The following CEP63 variants were observed in gnomAD, a reference collection of about 807,000 sequenced individuals.
CEP63 encodes centrosomal protein 63, also known as centrosomal protein of 63 kDa.
A neutral mutation model predicts 89.1 loss-of-function variants in CEP63; 84 were observed. The observed-to-expected ratio is 0.94, with a 90% confidence interval of 0.79 to 1.13. The LOEUF (loss-of-function observed/expected upper bound fraction) is 1.13. CEP63 is among the 50% of genes most tolerant of loss of function. The pLI, the probability that CEP63 is intolerant of heterozygous loss-of-function variation, is 0.00. For missense variants in CEP63, 838 were observed against 813.3 expected (o/e 1.03, Z -0.37); for synonymous variants, 267 against 272.5 (o/e 0.98, Z 0.20).
chr3:134,653,856 G>A, the CEP63 span, among the ~76,000 whole-genome samples: 1 of 152,092 alleles, frequency 6.6e-6, no homozygotes. Context: ...CAGAAACCAT[G>A]TCCTCTACAC....
chr3:134,504,021 G>T (rs1942812023), intron 2 of CEP63, among the ~76,000 whole-genome samples: 2 of 151,676 alleles, frequency 1.3e-5, no homozygotes, highest in African/African-American at 4.8e-5. Context: ...CTTAACTCTT[G>T]TCGTTTTGTT....
At chr3:134,500,862 T>C (rs147633023) in intron 2 of CEP63, among the ~76,000 whole-genome samples, 151 of 152,358 alleles carry the variant, frequency 9.9e-4, no homozygotes, top group African/African-American at 3.5e-3. Context: ...TTTTTGTTTT[T>C]ATTGCATTTG....
At chr3:134,521,022 T>A (rs566113715) in intron 3 of CEP63, among the ~76,000 whole-genome samples, 2 of 152,230 alleles carry the variant, frequency 1.3e-5, no homozygotes, top group Non-Finnish European at 2.9e-5. Context: ...ATTAAAATAA[T>A]GAACATTTCA....
At chr3:134,627,719 T>G in the CEP63 span, 1 of 1,587,362 alleles carries the variant, frequency 6.3e-7, no homozygotes, top group African/African-American at 1.3e-5. Flanking sequence ...ACCCATGTGC[T>G]CTCTTGAGAA....
chr3:134,643,476 G>C, the CEP63 span: 2 of 995,122 alleles, frequency 2.0e-6, no homozygotes, highest in Non-Finnish European at 3.1e-6. Flanking sequence ...GTGGGCTGGC[G>C]GGGGCCAAGC....
intron 13 of CEP63, 101 bp downstream of exon 13, chr3:134,558,448 A>C: frequency 1.2e-6 from 1 of 854,300 alleles, no homozygotes; most frequent in Non-Finnish European, 1.9e-6. Context: ...ATCTTCATCA[A>C]AGGACTCTAT....
chr3:134,606,966 C>A, the CEP63 span: 1 of 985,254 alleles, frequency 1.0e-6, no homozygotes, highest in African/African-American at 1.7e-5. Context: ...CTTAACAGAA[C>A]TAGCTACCAC....
chr3:134,560,735 GTA>G (rs1266246997), intron 14 of CEP63, among the ~76,000 whole-genome samples: 2 of 152,244 alleles, frequency 1.3e-5, no homozygotes, highest in African/African-American at 4.8e-5. Flanking sequence ...GGGTATGTGT[GTA>G]TGTGTGTGTG....
At chr3:134,620,216 A>G in the CEP63 span, among the ~76,000 whole-genome samples, 1 of 152,208 alleles carries the variant, frequency 6.6e-6, no homozygotes, top group African/African-American at 2.4e-5. Flanking sequence ...GGGCAGCTGC[A>G]TAGGCCCAGG....
intron 14 of CEP63, 60 bp downstream of exon 14, chr3:134,559,489 A>T: frequency 6.8e-7 from 1 of 1,460,652 alleles, no homozygotes; most frequent in Non-Finnish European, 9.5e-7. Context: ...TTGATTTTTT[A>T]TTTTAAGGGT....
the CEP63 span, among the ~76,000 whole-genome samples, chr3:134,663,127 T>A: frequency 3.3e-5 from 5 of 152,222 alleles, no homozygotes; most frequent in Admixed American, 2.6e-4. Flanking sequence ...GGGCTCCATG[T>A]GCCCCAGATA....
rs143367808 is a variant in CEP63 at position 134,495,364 on chromosome 3, G to A, written c.44G>A (p.Gly15Glu). Residue 15 changes from glycine to glutamate, a missense_variant and splice_region_variant, in exon 2 of 15, where the codon GGG becomes GAG. By Grantham distance (98) the Gly-to-Glu change is moderately conservative. Coordinates refer to ENST00000675561, the MANE Select transcript of CEP63 (RefSeq NM_001353108.3). ...GGAATACAAAATCGAGGGCATGGTG[G>A]GTAAGTTTGCTTTTTTTAAAATTAA... is the stretch of plus-strand genomic sequence containing the variant. The part of the protein sequence containing the change: ...LEGIQNRGHG[G>E]GFLTSCEAEL... 265 of 1,609,824 alleles carry A rather than the reference G, an allele frequency of 1.6e-4. 2 individuals carry two copies. The highest frequency in any genetic ancestry group is 4.2e-4 in the South Asian group (38 of 90,864).
the CEP63 span, among the ~76,000 whole-genome samples, chr3:134,656,470 CAGCAGGGATGGAAG>C: frequency 6.6e-6 from 1 of 152,302 alleles, no homozygotes; most frequent in African/African-American, 2.4e-5. Flanking sequence ...TGATCCTGGT[CAGCAGGGATGGAAG>C]AGCAGGGACT....
At chr3:134,666,298 G>A in the CEP63 span, among the ~76,000 whole-genome samples, 1 of 152,188 alleles carries the variant, frequency 6.6e-6, no homozygotes, top group Non-Finnish European at 1.5e-5. Context: ...ACTCACCTGC[G>A]GGGCATGTGC....
chr3:134,685,956 T>A, the CEP63 span, among the ~76,000 whole-genome samples: 1 of 152,246 alleles, frequency 6.6e-6, no homozygotes, highest in Non-Finnish European at 1.5e-5. Context: ...GCTACCAATG[T>A]TACCTACATT....
the CEP63 span, among the ~76,000 whole-genome samples, chr3:134,746,659 C>T: frequency 6.6e-6 from 1 of 152,206 alleles, no homozygotes; most frequent in African/African-American, 2.4e-5. Flanking sequence ...TTTTGATTTG[C>T]ATTTCTCCGA....
At chr3:134,754,220 G>T in the CEP63 span, among the ~76,000 whole-genome samples, 2 of 152,288 alleles carry the variant, frequency 1.3e-5, no homozygotes, top group African/African-American at 4.8e-5. Flanking sequence ...TGGTGCCATA[G>T]CCTCAGGGAC....
At chr3:134,512,131 A>G (rs1207234382) in intron 3 of CEP63, among the ~76,000 whole-genome samples, 1 of 152,220 alleles carries the variant, frequency 6.6e-6, no homozygotes, top group Non-Finnish European at 1.5e-5. Context: ...TTTTGGTTGT[A>G]AGAATGTCTG....
the CEP63 span, among the ~76,000 whole-genome samples, chr3:134,735,419 G>A: frequency 2.6e-5 from 4 of 152,084 alleles, no homozygotes; most frequent in African/African-American, 9.7e-5. Context: ...TTGCACTTAG[G>A]AACACTAGAC....
Sources: gnomAD v4.1 joint callset for allele counts (sites outside exome capture counted in the v4.1 genomes callset) on GRCh38, gnomAD v4.1.1 for gene constraint, MANE v1.5 for transcripts, NCBI Gene and HGNC (gene_info 2026-07-23, HGNC 2026-07-21) for gene names.